The following POU6F1 variants were observed in gnomAD, a reference collection of about 807,000 sequenced individuals.
POU6F1 encodes POU class 6 homeobox 1, also known as POU domain, class 6, transcription factor 1.
In POU6F1, 9 loss-of-function variants were observed where a neutral mutation model predicts 28.9. That is an observed-to-expected ratio of 0.31 (90% confidence interval 0.19 to 0.54). The LOEUF (loss-of-function observed/expected upper bound fraction) is 0.54. POU6F1 is among the 20% of genes least tolerant of loss of function. The pLI, the probability that POU6F1 is intolerant of heterozygous loss-of-function variation, is 0.94. For missense variants in POU6F1, 338 were observed against 426.1 expected, an observed-to-expected ratio of 0.79 and a Z score of 1.82; for synonymous variants, 173 against 171.1, an observed-to-expected ratio of 1.01 and a Z score of -0.09.
intron 2 of POU6F1, among the ~76,000 whole-genome samples, chr12:51,206,349 G>GGAGGCGGAGCTTGCAGT (rs1311419273): frequency 2.0e-5 from 3 of 151,194 alleles, no homozygotes; most frequent in Non-Finnish European, 4.4e-5. Flanking sequence ...TGTGAACCCG[G>GGAGGCGGAGCTTGCAGT]GAGGCGGAGC....
intron 1 of POU6F1, among the ~76,000 whole-genome samples, chr12:51,208,457 C>T (rs142979152): frequency 9.2e-5 from 14 of 152,186 alleles, no homozygotes; most frequent in African/African-American, 3.1e-4. Context: ...ACCCTGGGGG[C>T]GTGGGGAATG....
At chr12:51,212,942 G>T (rs1045289985) in intron 1 of POU6F1, among the ~76,000 whole-genome samples, 15 of 146,908 alleles carry the variant, frequency 1.0e-4, no homozygotes, top group African/African-American at 2.7e-4. Flanking sequence ...TAATGCAGTT[G>T]TTTTTTTTTT....
At position 51,196,167 on chromosome 12, in the gene POU6F1, C is replaced by T. The variant is rs772576001; in HGVS notation, c.982G>A (p.Gly328Arg). The T allele has an allele frequency of 2.0e-6, 3 of 1,512,838 alleles. No homozygotes were observed. The highest frequency in any genetic ancestry group is 2.4e-5 in the East Asian group (1 of 42,420). 93.7% of individuals were successfully genotyped at this position (1,512,838 alleles called of 1,614,324 possible). ...ILTNAQGQVI[G>R]TLPWVVNSAS... ...GAGTTCACTACCCATGGAAGGGTTC[C>T]AATAACCTGGGAGGAAATAAGGCAG... The change falls in exon 8 of 11, where the codon GGA becomes AGA. Residue 328 changes from glycine (G) to arginine (R), a missense_variant. Physicochemically the swap from Gly to Arg is moderately radical, Grantham distance 125 (BLOSUM62 -2). Coordinates refer to ENST00000333640, the MANE Select transcript of POU6F1 (RefSeq NM_001330422.2).
Position 51,199,832 on chromosome 12 carries a change from G to C in POU6F1, c.281C>G (p.Thr94Ser), listed in dbSNP as rs1943093922. The change falls in exon 4 of 11, where the codon ACT becomes AGT. Residue 94 changes from threonine (T) to serine (S), a missense_variant. By Grantham distance (58) the Thr-to-Ser change is moderately conservative. Around this residue, in one of 3 missense-constraint regions of POU6F1, gnomAD observed 206 missense variants for 225.6 expected, o/e 0.91. Coordinates refer to ENST00000333640, the MANE Select transcript of POU6F1 (RefSeq NM_001330422.2). The surrounding 1 kb of genome is among the most constrained non-coding windows in gnomAD (Gnocchi z 4.1). ...SPPGIPPSPA[T>S]AIATFSQAPS... is the part of the protein sequence containing the mutation. The stretch of plus-strand genomic sequence containing the variant: ...GGCTTGGCTGAAGGTGGCAATGGCA[G>C]TGGCAGGGCTCGGAGGGATCCCCGG... 3 of 399,202 alleles carry C rather than the reference G, an allele frequency of 7.5e-6. No homozygotes were observed. Among genetic ancestry groups the C allele is most frequent in the Admixed American group, 8.8e-5 (2 of 22,720 alleles). The allele number at this position is 399,202 out of a possible 1,614,324, so 24.7% of individuals were successfully genotyped here.
intron 9 of POU6F1, 58 bp downstream of exon 9, chr12:51,192,272 G>A: frequency 6.3e-7 from 1 of 1,583,384 alleles, no homozygotes; most frequent in Non-Finnish European, 8.6e-7. Context: ...TGAAGAGATT[G>A]GGTGCCCACA....
rs1307686884 is a variant in POU6F1 at position 51,190,754 on chromosome 12, G to C, written c.1491-162C>G. On this transcript the variant is annotated intron_variant, in intron 10 of 10. Coordinates refer to ENST00000333640, the MANE Select transcript of POU6F1 (RefSeq NM_001330422.2). This position sits in a 1 kb window ranked among gnomAD's most constrained non-coding sequence, Gnocchi z 4.5. Reference sequence around the variant, plus strand: ...CACCACCTCCACCAAGACCCCTCTAGTTTGGCCAAGCCCAGACTCCTCAGA... The same window carrying C: ...CACCACCTCCACCAAGACCCCTCTACTTTGGCCAAGCCCAGACTCCTCAGA... Among the ~76,000 whole-genome samples the C allele has an allele frequency of 2.0e-5, 3 of 152,140 alleles. No homozygotes were observed. The highest frequency in any genetic ancestry group is 2.0e-4 in the Admixed American group (3 of 15,272).
intron 7 of POU6F1, 52 bp downstream of exon 7, chr12:51,196,747 T>C (rs1291296524): frequency 6.2e-7 from 1 of 1,604,846 alleles, no homozygotes; most frequent in East Asian, 2.2e-5. Flanking sequence ...CGCCATCCCC[T>C]GGCCAGCCTC....
Position 51,199,700 on chromosome 12 carries a change from C to A in POU6F1, c.366+47G>T, listed in dbSNP as rs537449378. On this transcript the variant is annotated intron_variant, in intron 4 of 10. Coordinates refer to ENST00000333640, the MANE Select transcript of POU6F1 (RefSeq NM_001330422.2). The surrounding 1 kb of genome is among the most constrained non-coding windows in gnomAD (Gnocchi z 4.1). ...TCCCCATGCTGGCTGTCCCATGCCT[C>A]GCTCCTGCCCCCGGCCTTCTGTCCA... 5.0e-6 allele frequency: 2 copies of A among 399,160 alleles called. No individual in the cohort carries two copies. The highest frequency in any genetic ancestry group is 8.8e-6 in the Non-Finnish European group (2 of 226,186). The allele number at this position is 399,160 out of a possible 1,614,324, so 24.7% of individuals were successfully genotyped here.
chr12:51,212,396 CTTTGT>C (rs1944055620), intron 1 of POU6F1, among the ~76,000 whole-genome samples: 1 of 151,754 alleles, frequency 6.6e-6, no homozygotes, highest in Non-Finnish European at 1.5e-5. Context: ...CCAGCCAAAC[CTTTGT>C]TTTTTCAACG....
At chr12:51,195,370 C>T (rs897621879) in intron 8 of POU6F1, among the ~76,000 whole-genome samples, 1 of 152,154 alleles carries the variant, frequency 6.6e-6, no homozygotes, top group African/African-American at 2.4e-5. Flanking sequence ...GTCAAGAGCT[C>T]TTTTCTCTAG....
chr12:51,197,671 C>CGG (rs201108082), intron 6 of POU6F1, 99 bp downstream of exon 6: 17 of 396,318 alleles, frequency 4.3e-5, no homozygotes, highest in African/African-American at 2.5e-4. Flanking sequence ...GGGCTGTTTT[C>CGG]GGGGGGGGCT....
chr12:51,195,572 A>C (rs1942758486), intron 8 of POU6F1, among the ~76,000 whole-genome samples: 1 of 152,198 alleles, frequency 6.6e-6, no homozygotes, highest in Admixed American at 6.5e-5. Context: ...GCCACGGTGC[A>C]GAGTGGAGGG....
In POU6F1 at chr12:51,190,425, G is replaced by C. The variant is rs762712145; in HGVS notation, c.1658C>G (p.Pro553Arg). 10 of 1,614,170 alleles carry C rather than the reference G, an allele frequency of 6.2e-6. No individual in the cohort carries two copies. The highest frequency in any genetic ancestry group is 1.7e-5 in the Admixed American group (1 of 60,020). The change falls in exon 11 of 11, where the codon CCC (proline) becomes CGC (arginine). Residue 553 changes from proline to arginine, a missense_variant. This residue lies in a region of POU6F1 where 126 missense variants were observed against 176.5 expected (regional missense o/e 0.71). Coordinates refer to ENST00000333640, the MANE Select transcript of POU6F1 (RefSeq NM_001330422.2). The surrounding 1 kb of genome is among the most constrained non-coding windows in gnomAD (Gnocchi z 4.5). Reference sequence around the variant, plus strand: ...GGCATTGAGAGCCTCTATGGCCTGGGGGGTGAAGGAGGTGCGGCGTTTGCG... The same window carrying C: ...GGCATTGAGAGCCTCTATGGCCTGGCGGGTGAAGGAGGTGCGGCGTTTGCG... ...KKRKRRTSFT[P>R]QAIEALNAYF...
intron 1 of POU6F1, among the ~76,000 whole-genome samples, chr12:51,212,079 TTTTG>T (rs1944030094): frequency 3.4e-5 from 5 of 145,230 alleles, no homozygotes; most frequent in East Asian, 2.2e-4. Context: ...TTTTTGTTTT[TTTTG>T]TTTTGTTTGT....
At chr12:51,198,337 A>G (rs1477285835) in intron 5 of POU6F1, among the ~76,000 whole-genome samples, 2 of 152,160 alleles carry the variant, frequency 1.3e-5, no homozygotes, top group African/African-American at 4.8e-5. Context: ...TGGCCGAAGT[A>G]CGGCAGGCCT....
Position 51,192,321 on chromosome 12 carries a change from G to A in POU6F1, c.1321+9C>T. ...ACTTCTCCACACTACTTCTCCAGGAGCCACTTACTGGACACCAACTGGCTG... is the reference window on the plus strand; with the variant it reads ...ACTTCTCCACACTACTTCTCCAGGAACCACTTACTGGACACCAACTGGCTG... On this transcript the variant is annotated intron_variant, in intron 9 of 10. Transcript: ENST00000333640. The A allele has an allele frequency of 6.2e-7, 1 of 1,613,754 alleles. No individual in the cohort carries two copies. Among genetic ancestry groups the A allele is most frequent in the Non-Finnish European group, 8.5e-7 (1 of 1,179,770 alleles).
intron 10 of POU6F1, 139 bp downstream of exon 10, chr12:51,191,457 A>T (rs1230719638): frequency 1.2e-5 from 12 of 1,028,680 alleles, no homozygotes; most frequent in Non-Finnish European, 1.5e-5. Context: ...ATCTACCCTT[A>T]AGATGGTCTT....
rs947058691 is a variant in POU6F1 at position 51,199,787 on chromosome 12, G to A, written c.326C>T (p.Ser109Leu). 1.8e-5 allele frequency: 7 copies of A among 399,152 alleles called. No individual in the cohort carries two copies. The highest frequency in any genetic ancestry group is 1.3e-4 in the South Asian group (1 of 7,862). 24.7% of individuals were successfully genotyped at this position (399,152 alleles called of 1,614,324 possible). Residue 109 changes from serine to leucine, a missense_variant, in exon 4 of 11, where the codon TCG (serine) becomes TTG (leucine). Transcript: ENST00000333640. The surrounding 1 kb of genome is among the most constrained non-coding windows in gnomAD (Gnocchi z 4.1). Reference protein sequence around the residue: ...FSQAPSQPQASQTLTPLAVQA... With the variant: ...FSQAPSQPQALQTLTPLAVQA... Reference sequence around the variant, plus strand: ...TACAGCCAGTGGCGTCAGGGTCTGCGATGCCTGAGGCTGGCTTGGGGCTTG... The same window carrying A: ...TACAGCCAGTGGCGTCAGGGTCTGCAATGCCTGAGGCTGGCTTGGGGCTTG...
chr12:51,204,829 C>T (rs7298195), intron 2 of POU6F1, among the ~76,000 whole-genome samples: 21 of 152,224 alleles, frequency 1.4e-4, no homozygotes, highest in Non-Finnish European at 3.1e-4. Context: ...CCCTTGAAAC[C>T]ATCTGAAAGT....
Sources: allele counts gnomAD v4.1 joint callset (sites outside exome capture counted in the v4.1 genomes callset), GRCh38; gene constraint gnomAD v4.1.1; regional missense constraint gnomAD v4.1.1; non-coding constraint Gnocchi (gnomAD v3.1); transcripts MANE v1.5; gene names NCBI Gene and HGNC (gene_info 2026-07-23, HGNC 2026-07-21).